FBRSL1: variants seen among roughly 807,000 people sequenced by gnomAD.
FBRSL1 encodes the protein fibrosin like 1.
FBRSL1 carries 51 observed loss-of-function variants against 89.6 expected under a neutral mutation model. The ratio of observed to expected loss-of-function variants is 0.57; its 90% CI spans 0.45 to 0.72. The LOEUF (loss-of-function observed/expected upper bound fraction) is 0.72, where lower values mean the gene tolerates loss of function less well. FBRSL1 is among the 30% of genes least tolerant of loss of function. The probability of loss-of-function intolerance (pLI) is 0.00; values close to 1 mark genes in which losing one functional copy is unlikely to be tolerated. For missense variants in FBRSL1, 1,618 were observed against 1,451.8 expected, an observed-to-expected ratio of 1.11 and a Z score of -1.86; for synonymous variants, 779 against 681.1, an observed-to-expected ratio of 1.14 and a Z score of -2.24.
At chr12:132,513,214 G>A (rs531018477) in intron 2 of FBRSL1, among the ~76,000 whole-genome samples, 1 of 152,182 alleles carries the variant, frequency 6.6e-6, no homozygotes, top group Non-Finnish European at 1.5e-5. Context: ...GTGGGCCTGC[G>A]AGGCCTCCGG....
At chr12:132,571,955 A>G (rs991469297) in intron 9 of FBRSL1, 2 of 405,850 alleles carry the variant, frequency 4.9e-6, no homozygotes, top group African/African-American at 4.1e-5. Context: ...GAAACTGGCC[A>G]GTTTGTCAGT....
At chr12:132,515,347 C>T (rs1464035327) in intron 2 of FBRSL1, among the ~76,000 whole-genome samples, 2 of 152,162 alleles carry the variant, frequency 1.3e-5, no homozygotes, top group Admixed American at 1.3e-4. Context: ...ACCCAGCACA[C>T]CCAGCCAGGC....
chr12:132,557,026 G>A (rs558679981), intron 5 of FBRSL1, among the ~76,000 whole-genome samples: 92 of 152,328 alleles, frequency 6.0e-4, no homozygotes, highest in African/African-American at 2.2e-3. Context: ...GCCCCCCAGG[G>A]TGGTTTCCAG....
intron 1 of FBRSL1, among the ~76,000 whole-genome samples, chr12:132,500,875 G>T (rs746065904): frequency 6.6e-6 from 1 of 152,174 alleles, no homozygotes; most frequent in Non-Finnish European, 1.5e-5. Context: ...ACAGCCCTTG[G>T]CCCCTGCCCC....
In FBRSL1 at chr12:132,581,041, C is replaced by G. The variant is rs1381947647; in HGVS notation, c.1835-398C>G. ...CATCCAGGCCTGAGGCCCAGCACCACATTAAGAAGTGAGGACCATCTATCA... is the reference window on the plus strand; with the variant it reads ...CATCCAGGCCTGAGGCCCAGCACCAGATTAAGAAGTGAGGACCATCTATCA... On this transcript the variant is annotated intron_variant, in intron 15 of 18. Transcript: ENST00000680143. The G allele has an allele frequency of 6.1e-6, 6 of 985,490 alleles. No homozygotes were observed. In the East Asian group the frequency reaches 3.4e-4, roughly 56 times the overall value. 61.0% of individuals were successfully genotyped at this position (985,490 alleles called of 1,614,324 possible).
intron 2 of FBRSL1, chr12:132,509,460 G>T (rs2136603026): frequency 1.6e-6 from 2 of 1,239,428 alleles, no homozygotes; most frequent in South Asian, 4.1e-5. Context: ...TCCATCCCCA[G>T]ATCAGCTCTG....
intron 1 of FBRSL1, among the ~76,000 whole-genome samples, chr12:132,502,775 T>C (rs1436457577): frequency 7.5e-5 from 1 of 13,258 alleles, no homozygotes; most frequent in Non-Finnish European, 1.5e-4. Context: ...CCCCGCCCCC[T>C]ACCGTCCCTG....
At chr12:132,491,966 C>T (rs1458186790) in intron 1 of FBRSL1, among the ~76,000 whole-genome samples, 1 of 152,212 alleles carries the variant, frequency 6.6e-6, no homozygotes, top group African/African-American at 2.4e-5. Flanking sequence ...ACAGGCTGGC[C>T]ATCCTCTGTC....
At position 132,567,538 on chromosome 12, in the gene FBRSL1, C is replaced by T; in HGVS notation, c.691+12C>T. ...GGGAACCGATAAAGGTAAGTGGGTC[C>T]CCTCGGCCCAGCTCCTGGGCCTCTG... On this transcript the variant is annotated intron_variant, in intron 6 of 18. Coordinates refer to ENST00000680143, the MANE Select transcript of FBRSL1 (RefSeq NM_001367871.1). 6.4e-7 allele frequency: 1 copy of T among 1,550,812 alleles called. No individual in the cohort carries two copies.
chr12:132,498,393 C>T (rs962318557), intron 1 of FBRSL1, among the ~76,000 whole-genome samples: 2 of 152,178 alleles, frequency 1.3e-5, no homozygotes, highest in Admixed American at 6.5e-5. Context: ...TGGCCAATCC[C>T]GGCTGGAGGC....
intron 9 of FBRSL1, chr12:132,571,472 T>C (rs2040002297): frequency 1.3e-6 from 2 of 1,547,288 alleles, no homozygotes; most frequent in Admixed American, 2.0e-5. Flanking sequence ...CAACACACAT[T>C]CGCCCCCTTC....
Position 132,581,462 on chromosome 12 carries a change from C to T in FBRSL1, c.1858C>T (p.Pro620Ser). The T allele has an allele frequency of 6.4e-7, 1 of 1,551,102 alleles. No homozygotes were observed. Among genetic ancestry groups the T allele is most frequent in the Non-Finnish European group, 8.7e-7 (1 of 1,146,938 alleles). Residue 620 changes from proline to serine, a missense_variant, in exon 16 of 19, where the codon CCA (proline) becomes TCA (serine). Pro to Ser is a moderately conservative substitution (Grantham distance 74). Coordinates refer to ENST00000680143, the MANE Select transcript of FBRSL1 (RefSeq NM_001367871.1). ...AGGTGCCGCCCATCCTGCCTCCAACCCATTTGGACCCTCAGCCCATCCTGG... is the reference window on the plus strand; with the variant it reads ...AGGTGCCGCCCATCCTGCCTCCAACTCATTTGGACCCTCAGCCCATCCTGG... ...STGAAHPASN[P>S]FGPSAHPGSF... is the part of the protein sequence containing the mutation.
At chr12:132,550,454 C>A (rs2038062951) in intron 5 of FBRSL1, among the ~76,000 whole-genome samples, 1 of 152,178 alleles carries the variant, frequency 6.6e-6, no homozygotes, top group African/African-American at 2.4e-5. Flanking sequence ...CTGCCTGTGG[C>A]CCCGTTTGCT....
chr12:132,576,711 C>G, intron 14 of FBRSL1, 88 bp from the exon 15 acceptor site: 1 of 1,442,138 alleles, frequency 6.9e-7, no homozygotes, highest in African/African-American at 1.4e-5. Context: ...CTGGCTCACA[C>G]CCAGTCCCTG....
At chr12:132,530,189 C>T (rs1236795131) in intron 4 of FBRSL1, among the ~76,000 whole-genome samples, 1 of 152,216 alleles carries the variant, frequency 6.6e-6, no homozygotes, top group Non-Finnish European at 1.5e-5. Context: ...CTCCTCCGCC[C>T]TTCTCTGGGC....
At chr12:132,495,349 A>G (rs1566091672) in intron 1 of FBRSL1, among the ~76,000 whole-genome samples, 4 of 152,142 alleles carry the variant, frequency 2.6e-5, no homozygotes, top group Non-Finnish European at 2.9e-5. Context: ...GGGGCCTGAC[A>G]GTGTCACTTG....
chr12:132,516,811 TG>T (rs1252253263), intron 2 of FBRSL1, among the ~76,000 whole-genome samples: 1 of 152,224 alleles, frequency 6.6e-6, no homozygotes, highest in Non-Finnish European at 1.5e-5. Context: ...ATCTGTACCC[TG>T]GGCCATTACC....
chr12:132,582,884 C>T, intron 18 of FBRSL1, 87 bp from the exon 19 acceptor site: 7 of 1,136,988 alleles, frequency 6.2e-6, no homozygotes, highest in South Asian at 2.3e-5. Flanking sequence ...AACTGGAGGC[C>T]CCGACAAGCA....
At chr12:132,496,041 C>T (rs988501218) in intron 1 of FBRSL1, among the ~76,000 whole-genome samples, 3 of 152,258 alleles carry the variant, frequency 2.0e-5, no homozygotes, top group Non-Finnish European at 2.9e-5. Context: ...GTTCTTGGCT[C>T]AGGTTTCCAA....
Sources: gnomAD v4.1 joint callset for allele counts (sites outside exome capture counted in the v4.1 genomes callset) on GRCh38, gnomAD v4.1.1 for gene constraint, MANE v1.5 for transcripts, NCBI Gene and HGNC (gene_info 2026-07-23, HGNC 2026-07-21) for gene names.